RALYL: variants seen among roughly 807,000 people sequenced by gnomAD.
The protein encoded by RALYL is RALY RNA binding protein like, also known as RNA-binding Raly-like protein.
Under a neutral mutation model 35.1 loss-of-function variants are expected in RALYL, and 29 were observed. The ratio of observed to expected loss-of-function variants is 0.83; its 90% CI spans 0.61 to 1.13. RALYL has a LOEUF of 1.13. RALYL is among the 50% of genes most tolerant of loss of function. The pLI is 0.00. For synonymous variants in RALYL, 120 were observed against 127.6 expected (o/e 0.94, Z 0.40); for missense variants, 359 against 360.4 (o/e 1.00, Z 0.03).
At chr8:84,264,301 G>A (rs1310278178) in intron 1 of RALYL, among the ~76,000 whole-genome samples, 1 of 151,992 alleles carries the variant, frequency 6.6e-6, no homozygotes, top group African/African-American at 2.4e-5. Context: ...TTTAATAATG[G>A]CCATTCTGAC....
intron 7 of RALYL, among the ~76,000 whole-genome samples, chr8:84,883,552 G>GA (rs1269427044): frequency 2.6e-5 from 4 of 151,946 alleles, no homozygotes; most frequent in Non-Finnish European, 5.9e-5. Context: ...CAGATCTTGT[G>GA]AGACTTATTT....
At chr8:84,692,943 A>G (rs950595618) in intron 2 of RALYL, among the ~76,000 whole-genome samples, 7 of 152,038 alleles carry the variant, frequency 4.6e-5, no homozygotes, top group Admixed American at 2.0e-4. Flanking sequence ...GGTGGTAGGT[A>G]GCCTCTAGAA....
At chr8:84,829,368 G>A (rs1316974834) in intron 4 of RALYL, 1 of 152,944 alleles carries the variant, frequency 6.5e-6, no homozygotes, top group African/African-American at 2.4e-5. Flanking sequence ...CTTAAACCAA[G>A]CCTTCTGGGA....
chr8:84,646,175 A>C (rs970612942), intron 2 of RALYL, among the ~76,000 whole-genome samples: 4 of 148,082 alleles, frequency 2.7e-5, no homozygotes, highest in African/African-American at 7.4e-5. Context: ...TTTTTCTTTT[A>C]TTTTTTTTTA....
At chr8:84,617,802 A>T (rs1299433188) in intron 2 of RALYL, among the ~76,000 whole-genome samples, 2 of 151,604 alleles carry the variant, frequency 1.3e-5, no homozygotes, top group Non-Finnish European at 2.9e-5. Context: ...TTTAGCATGA[A>T]GCGTTGTTGA....
At chr8:84,417,193 G>C (rs935051876) in intron 1 of RALYL, among the ~76,000 whole-genome samples, 12 of 151,854 alleles carry the variant, frequency 7.9e-5, no homozygotes, top group Non-Finnish European at 1.6e-4. Flanking sequence ...TATGTGCTCT[G>C]GTTAGGAGAA....
At chr8:84,323,119 A>C (rs1845183823) in intron 1 of RALYL, among the ~76,000 whole-genome samples, 1 of 152,062 alleles carries the variant, frequency 6.6e-6, no homozygotes, top group Non-Finnish European at 1.5e-5. Context: ...AAGGGCAAGG[A>C]CTATAACTTA....
At chr8:84,826,209 G>A (rs566452969) in intron 4 of RALYL, among the ~76,000 whole-genome samples, 1 of 150,104 alleles carries the variant, frequency 6.7e-6, no homozygotes, top group African/African-American at 2.5e-5. Context: ...ATGCTCACTA[G>A]GTGATGGGAT....
intron 4 of RALYL, among the ~76,000 whole-genome samples, chr8:84,843,150 T>G (rs1476459922): frequency 6.6e-6 from 1 of 152,152 alleles, no homozygotes; most frequent in African/African-American, 2.4e-5. Context: ...TAAAGGGTAT[T>G]CAATTAGGAA....
At chr8:84,374,997 C>T (rs1856633979) in intron 1 of RALYL, among the ~76,000 whole-genome samples, 1 of 151,784 alleles carries the variant, frequency 6.6e-6, no homozygotes, top group South Asian at 2.1e-4. Context: ...CCTGAATCAC[C>T]TTTATTCTCA....
intron 1 of RALYL, among the ~76,000 whole-genome samples, chr8:84,347,380 G>A (rs111323738): frequency 7.9e-5 from 12 of 151,802 alleles, no homozygotes; most frequent in East Asian, 7.8e-4. Context: ...CACCCTATCC[G>A]TATCATTTCT....
At chr8:84,355,772 C>T (rs1312936517) in intron 1 of RALYL, among the ~76,000 whole-genome samples, 1 of 149,894 alleles carries the variant, frequency 6.7e-6, no homozygotes, top group Middle Eastern at 3.2e-3. Flanking sequence ...AAATCAAGAG[C>T]ACTTAGTATC....
At chr8:84,396,073 C>T (rs1292486732) in intron 1 of RALYL, among the ~76,000 whole-genome samples, 1 of 151,728 alleles carries the variant, frequency 6.6e-6, no homozygotes, top group African/African-American at 2.4e-5. Flanking sequence ...TAAAATATTT[C>T]TATTTTCATT....
chr8:84,199,023 C>T (rs528688194), intron 1 of RALYL, among the ~76,000 whole-genome samples: 14 of 152,226 alleles, frequency 9.2e-5, no homozygotes, highest in Non-Finnish European at 1.8e-4. Context: ...AGTGGGATTT[C>T]GGGATTATGT....
chr8:84,386,478 A>G (rs775910868), intron 1 of RALYL, among the ~76,000 whole-genome samples: 1 of 151,892 alleles, frequency 6.6e-6, no homozygotes, highest in Non-Finnish European at 1.5e-5. Context: ...TTTTGAGCTC[A>G]TAATAGAAGA....
chr8:84,542,420 G>A (rs2060084517), intron 2 of RALYL, among the ~76,000 whole-genome samples: 1 of 151,934 alleles, frequency 6.6e-6, no homozygotes, highest in African/African-American at 2.4e-5. Context: ...ATCTGATACG[G>A]TTTGGCTGTG....
At chr8:84,462,558 T>G (rs886266760) in intron 1 of RALYL, among the ~76,000 whole-genome samples, 2 of 151,484 alleles carry the variant, frequency 1.3e-5, no homozygotes, top group Non-Finnish European at 3.0e-5. Context: ...TAATCACTTT[T>G]GAGTTACTTT....
chr8:84,332,675 A>G (rs767247179), intron 1 of RALYL, among the ~76,000 whole-genome samples: 9 of 152,080 alleles, frequency 5.9e-5, no homozygotes, highest in Admixed American at 2.0e-4. Context: ...TTAAACTCCT[A>G]CCTATTTTCC....
chr8:84,379,766 T>C (rs1418161838), intron 1 of RALYL, among the ~76,000 whole-genome samples: 1 of 150,992 alleles, frequency 6.6e-6, no homozygotes, highest in Non-Finnish European at 1.5e-5. Flanking sequence ...GGCCAAAATA[T>C]AAATGCGGGC....
Sources: allele counts gnomAD v4.1 joint callset (sites outside exome capture counted in the v4.1 genomes callset), GRCh38; gene constraint gnomAD v4.1.1; transcripts MANE v1.5; gene names NCBI Gene and HGNC (gene_info 2026-07-23, HGNC 2026-07-21).